TTC28: variants seen among roughly 807,000 people sequenced by gnomAD.
TTC28 encodes the protein tetratricopeptide repeat domain 28, also known as tetratricopeptide repeat protein 28.
In TTC28, 61 loss-of-function variants were observed where a neutral mutation model predicts 198.0. The observed-to-expected ratio is 0.31, with a 90% confidence interval of 0.25 to 0.38. TTC28 has a LOEUF of 0.38. Ranked by LOEUF, TTC28 falls within the 10% of genes least tolerant of loss-of-function variation. The pLI, the probability that TTC28 is intolerant of heterozygous loss-of-function variation, is 1.00. For missense variants in TTC28, 2,678 were observed against 3,164.0 expected, an observed-to-expected ratio of 0.85 and a Z score of 3.69; for synonymous variants, 1,171 against 1,297.8, an observed-to-expected ratio of 0.90 and a Z score of 2.10.
chr22:28,389,395 T>C (rs952281240), intron 2 of TTC28, among the ~76,000 whole-genome samples: 8 of 151,554 alleles, frequency 5.3e-5, no homozygotes, highest in African/African-American at 1.7e-4. Flanking sequence ...TTCTATTGAT[T>C]GGAATAGTTT....
At chr22:28,426,211 CAAAAAAAAA>C (rs34448246) in intron 2 of TTC28, among the ~76,000 whole-genome samples, 12 of 85,688 alleles carry the variant, frequency 1.4e-4, no homozygotes, top group East Asian at 1.2e-3. Flanking sequence ...GACTCCACGT[CAAAAAAAAA>C]AAAAAAAAAA....
At chr22:28,017,878 T>C (rs571870810) in intron 13 of TTC28, among the ~76,000 whole-genome samples, 2 of 152,144 alleles carry the variant, frequency 1.3e-5, no homozygotes, top group Admixed American at 6.5e-5. Flanking sequence ...GAACCAGCGA[T>C]TAATGGGGTG....
chr22:28,101,791 A>G (rs1466989353), intron 8 of TTC28, among the ~76,000 whole-genome samples: 1 of 132,396 alleles, frequency 7.6e-6, no homozygotes, highest in Non-Finnish European at 1.8e-5. Flanking sequence ...TTAAAAAAAA[A>G]AAAAAAAAAA....
intron 2 of TTC28, among the ~76,000 whole-genome samples, chr22:28,468,307 A>G (rs1247020007): frequency 6.6e-6 from 1 of 152,134 alleles, no homozygotes; most frequent in Non-Finnish European, 1.5e-5. Context: ...TGCAACTAGA[A>G]GAGGCCCAGG....
chr22:28,649,917 A>G (rs2051539011), intron 1 of TTC28, among the ~76,000 whole-genome samples: 1 of 152,156 alleles, frequency 6.6e-6, no homozygotes, highest in South Asian at 2.1e-4. Context: ...AAAATCCCTG[A>G]GGCAATTACT....
chr22:28,446,907 T>C (rs1269002205), intron 2 of TTC28, among the ~76,000 whole-genome samples: 1 of 152,200 alleles, frequency 6.6e-6, no homozygotes, highest in Non-Finnish European at 1.5e-5. Flanking sequence ...CAATCTAATA[T>C]ATAACAAAAT....
At chr22:28,531,022 G>A (rs1172795621) in intron 2 of TTC28, among the ~76,000 whole-genome samples, 4 of 152,096 alleles carry the variant, frequency 2.6e-5, no homozygotes, top group Non-Finnish European at 5.9e-5. Context: ...ATAACCAGCT[G>A]ACATCATAAT....
chr22:28,487,857 G>T (rs938881553), intron 2 of TTC28, among the ~76,000 whole-genome samples: 5 of 152,100 alleles, frequency 3.3e-5, no homozygotes, highest in African/African-American at 1.2e-4. Flanking sequence ...TTTTATAAAG[G>T]ATTGAATATT....
intron 12 of TTC28, among the ~76,000 whole-genome samples, chr22:28,064,792 T>A (rs1156598306): frequency 6.6e-6 from 1 of 152,152 alleles, no homozygotes; most frequent in Admixed American, 6.5e-5. Flanking sequence ...TGAGTGAGAC[T>A]ATCTTGGAAA....
chr22:28,340,963 C>T (rs916106704), intron 2 of TTC28, among the ~76,000 whole-genome samples: 2 of 152,152 alleles, frequency 1.3e-5, no homozygotes, highest in African/African-American at 2.4e-5. Flanking sequence ...ATTAAAGATA[C>T]CCTGAAATAC....
chr22:28,199,421 A>G (rs1464830323), intron 5 of TTC28, among the ~76,000 whole-genome samples: 5 of 117,556 alleles, frequency 4.3e-5, no homozygotes, highest in Non-Finnish European at 8.9e-5. Context: ...ATATATATAT[A>G]TGTAACTATT....
At chr22:28,077,882 A>C (rs1941219183) in intron 12 of TTC28, among the ~76,000 whole-genome samples, 1 of 152,222 alleles carries the variant, frequency 6.6e-6, no homozygotes, top group Non-Finnish European at 1.5e-5. Flanking sequence ...GACCTGACCT[A>C]CTACTGAACA....
intron 2 of TTC28, among the ~76,000 whole-genome samples, chr22:28,516,474 G>A (rs1424998983): frequency 6.6e-6 from 1 of 151,998 alleles, no homozygotes; most frequent in African/African-American, 2.4e-5. Flanking sequence ...CATGGATGAA[G>A]CTGGAAACCA....
At chr22:28,406,081 T>C (rs186990188) in intron 2 of TTC28, among the ~76,000 whole-genome samples, 48 of 152,348 alleles carry the variant, frequency 3.2e-4, no homozygotes, top group African/African-American at 1.1e-3. Flanking sequence ...TAAGCCCCAA[T>C]TTTGGGGCTC....
At chr22:28,468,117 A>T (rs914288124) in intron 2 of TTC28, among the ~76,000 whole-genome samples, 1 of 152,054 alleles carries the variant, frequency 6.6e-6, no homozygotes, top group African/African-American at 2.4e-5. Flanking sequence ...ACAAAGTAAG[A>T]ATGCTATGAA....
At chr22:28,354,434 A>G (rs2046044198) in intron 2 of TTC28, among the ~76,000 whole-genome samples, 1 of 152,308 alleles carries the variant, frequency 6.6e-6, no homozygotes, top group Non-Finnish European at 1.5e-5. Context: ...AAAAGGACAA[A>G]TATTTTATAG....
At chr22:28,611,357 G>A (rs867797174) in intron 2 of TTC28, among the ~76,000 whole-genome samples, 10 of 152,146 alleles carry the variant, frequency 6.6e-5, no homozygotes, top group African/African-American at 9.7e-5. Flanking sequence ...TCAGACTAAC[G>A]GCAGATCTCT....
At chr22:28,108,548 T>C in intron 6 of TTC28, 145 bp from the exon 7 acceptor site, 1 of 696,390 alleles carries the variant, frequency 1.4e-6, no homozygotes, top group Non-Finnish European at 2.1e-6. Context: ...GAATTAAATA[T>C]TTATCAGCTC....
At chr22:28,123,812 G>A (rs1207697635) in intron 6 of TTC28, among the ~76,000 whole-genome samples, 7 of 151,736 alleles carry the variant, frequency 4.6e-5, no homozygotes, top group East Asian at 2.0e-4. Flanking sequence ...GTGAAATCCC[G>A]TCTCTACTAA....
Sources: allele counts gnomAD v4.1 joint callset (sites outside exome capture counted in the v4.1 genomes callset), GRCh38; gene constraint gnomAD v4.1.1; transcripts MANE v1.5; gene names NCBI Gene and HGNC (gene_info 2026-07-23, HGNC 2026-07-21).